The following KCNH7 variants were observed in gnomAD, a reference collection of about 807,000 sequenced individuals.
KCNH7 encodes voltage-gated inwardly rectifying potassium channel KCNH7.
In KCNH7, 49 loss-of-function variants were observed where a neutral mutation model predicts 120.8. The observed-to-expected ratio is 0.41, with a 90% CI of 0.32 to 0.51. The LOEUF is 0.51. KCNH7 is among the 20% of genes least tolerant of loss of function. The pLI is 0.38. For missense variants in KCNH7, 1,097 were observed against 1,446.6 expected (o/e 0.76, Z 3.92); for synonymous variants, 547 against 516.1 (o/e 1.06, Z -0.81).
intron 6 of KCNH7, among the ~76,000 whole-genome samples, chr2:162,503,946 A>G (rs1368459788): frequency 1.3e-5 from 2 of 151,760 alleles, no homozygotes; most frequent in Non-Finnish European, 2.9e-5. Context: ...TATTGTTCCA[A>G]TAAAATGTGG....
intron 8 of KCNH7, among the ~76,000 whole-genome samples, chr2:162,434,016 A>G (rs927194052): frequency 1.3e-5 from 2 of 152,056 alleles, no homozygotes; most frequent in African/African-American, 4.8e-5. Context: ...AATAAAACGT[A>G]GTACATATAC....
rs528821884 is a variant in KCNH7, at chr2:162,550,026, G to T, written c.308-12946C>A. On this transcript the variant is annotated intron_variant, in intron 2 of 15. Coordinates refer to ENST00000332142, the MANE Select transcript of KCNH7 (RefSeq NM_033272.4). The stretch of plus-strand genomic sequence containing the variant: ...AGTCTCTGCGTGGAGTATATGGAAG[G>T]CTTCCCAGAGAGGTGAAATCAAGTT... Among the ~76,000 whole-genome samples, 5 of 152,298 alleles carry T rather than the reference G, an allele frequency of 3.3e-5. No homozygotes were observed. The South Asian group carries it at 6.2e-4, about 19-fold the overall frequency.
rs376072578 is a variant in KCNH7, at chr2:162,423,265, G to A, written c.2154+71C>T. 1.0e-4 allele frequency: 165 copies of A among 1,608,966 alleles called. 1 individual carries two copies. The Admixed American group carries it at 1.2e-3, about 12-fold the overall frequency. ...CAAGGGGTTCAAAGCTGGTGATTCC[G>A]GCTTTTATTCCATTTTGGCTATCAC... On this transcript the variant is annotated intron_variant, in intron 9 of 15. Transcript: ENST00000332142.
chr2:162,510,003 CAA>C (rs1416252227), intron 5 of KCNH7, among the ~76,000 whole-genome samples: 3 of 151,384 alleles, frequency 2.0e-5, no homozygotes, highest in Non-Finnish European at 4.4e-5. Flanking sequence ...ACTTGTAAAG[CAA>C]AATAGAAAAG....
intron 2 of KCNH7, among the ~76,000 whole-genome samples, chr2:162,712,470 A>G (rs976394459): frequency 1.3e-5 from 2 of 152,166 alleles, no homozygotes; most frequent in African/African-American, 2.4e-5. Flanking sequence ...TAAATAGCTG[A>G]CTTTCTGCTG....
At chr2:162,795,224 C>CT (rs1198333088) in intron 2 of KCNH7, among the ~76,000 whole-genome samples, 2 of 152,040 alleles carry the variant, frequency 1.3e-5, no homozygotes, top group Non-Finnish European at 2.9e-5. Flanking sequence ...CTATTAAAAT[C>CT]TTTTTTATCA....
At chr2:162,428,672 C>T (rs1244250251) in intron 8 of KCNH7, among the ~76,000 whole-genome samples, 1 of 151,858 alleles carries the variant, frequency 6.6e-6, no homozygotes, top group Non-Finnish European at 1.5e-5. Flanking sequence ...TTGTCAATTT[C>T]TCCTTTCAGT....
At chr2:162,426,205 C>A (rs1369117601) in intron 8 of KCNH7, among the ~76,000 whole-genome samples, 1 of 139,924 alleles carries the variant, frequency 7.1e-6, no homozygotes, top group Admixed American at 7.3e-5. Context: ...CAGAGTGAGA[C>A]CCTATCTTTA....
intron 2 of KCNH7, among the ~76,000 whole-genome samples, chr2:162,610,082 G>A (rs932371236): frequency 2.6e-5 from 4 of 152,136 alleles, no homozygotes; most frequent in African/African-American, 9.7e-5. Context: ...TTGAACCTCA[G>A]AATGAGCTGG....
intron 4 of KCNH7, among the ~76,000 whole-genome samples, chr2:162,513,861 C>G (rs1357878787): frequency 6.6e-6 from 1 of 151,616 alleles, no homozygotes. Context: ...AGTGTAATTA[C>G]TAGAATATTG....
At chr2:162,379,229 G>A (rs925194265) in intron 14 of KCNH7, among the ~76,000 whole-genome samples, 1 of 152,112 alleles carries the variant, frequency 6.6e-6, no homozygotes, top group African/African-American at 2.4e-5. Context: ...AAGCATCTGT[G>A]TCATACCCAC....
chr2:162,777,227 A>G (rs13386031), intron 2 of KCNH7, among the ~76,000 whole-genome samples: 42,571 of 151,946 alleles, frequency 0.28, 6,905 homozygotes, highest in African/African-American at 0.45. Context: ...ATCCAAGCAT[A>G]CTCAAGTTCT....
At chr2:162,565,184 A>G (rs1029226242) in intron 2 of KCNH7, among the ~76,000 whole-genome samples, 3 of 152,056 alleles carry the variant, frequency 2.0e-5, no homozygotes, top group Non-Finnish European at 4.4e-5. Flanking sequence ...AACCTTCTTC[A>G]GTTGCCATGG....
chr2:162,440,711 C>T (rs1325092430), intron 7 of KCNH7, among the ~76,000 whole-genome samples: 1 of 151,936 alleles, frequency 6.6e-6, no homozygotes, highest in Non-Finnish European at 1.5e-5. Context: ...TTTACAATTT[C>T]ACTGGGAAAC....
At chr2:162,413,074 G>A (rs998249571) in intron 9 of KCNH7, among the ~76,000 whole-genome samples, 1 of 152,060 alleles carries the variant, frequency 6.6e-6, no homozygotes, top group African/African-American at 2.4e-5. Context: ...ATTAGTAAGT[G>A]TCCACCTACC....
At chr2:162,768,346 A>G (rs928913708) in intron 2 of KCNH7, among the ~76,000 whole-genome samples, 4 of 148,702 alleles carry the variant, frequency 2.7e-5, no homozygotes, top group African/African-American at 7.5e-5. Flanking sequence ...GTTTTTTTTT[A>G]TAAATTGTGC....
intron 2 of KCNH7, among the ~76,000 whole-genome samples, chr2:162,553,312 A>G (rs1341194223): frequency 6.6e-6 from 1 of 152,184 alleles, no homozygotes; most frequent in East Asian, 1.9e-4. Context: ...ATGATTCACT[A>G]AAGAGCCACA....
intron 6 of KCNH7, among the ~76,000 whole-genome samples, chr2:162,451,978 G>T (rs1271357692): frequency 1.3e-5 from 2 of 151,954 alleles, no homozygotes; most frequent in Non-Finnish European, 1.5e-5. Context: ...AATCAGTTAG[G>T]GTTATCTTGG....
At chr2:162,541,591 A>G (rs1692303956) in intron 2 of KCNH7, among the ~76,000 whole-genome samples, 2 of 152,178 alleles carry the variant, frequency 1.3e-5, no homozygotes, top group Non-Finnish European at 2.9e-5. Flanking sequence ...ATGCAGGAAC[A>G]GAAAACCAAA....
Sources: gnomAD v4.1 joint callset for allele counts (sites outside exome capture counted in the v4.1 genomes callset) on GRCh38, gnomAD v4.1.1 for gene constraint, MANE v1.5 for transcripts, NCBI Gene and HGNC (gene_info 2026-07-23, HGNC 2026-07-21) for gene names.